The following ADCK1 variants were observed in gnomAD, a reference collection of about 807,000 sequenced individuals.
The protein encoded by ADCK1 is aarF domain containing kinase 1.
Under a neutral mutation model 52.3 loss-of-function variants are expected in ADCK1, and 41 were observed. The observed-to-expected ratio is 0.78, with a 90% CI of 0.61 to 1.02. ADCK1 has a LOEUF of 1.02. Ranked by LOEUF, ADCK1 falls within the 50% of genes least tolerant of loss-of-function variation. ADCK1 has a pLI of 0.00. For synonymous variants in ADCK1, 250 were observed against 274.6 expected (o/e 0.91, Z 0.89); for missense variants, 658 against 679.5 (o/e 0.97, Z 0.35).
At chr14:77,865,080 G>A (rs1360133327) in intron 4 of ADCK1, among the ~76,000 whole-genome samples, 3 of 152,008 alleles carry the variant, frequency 2.0e-5, no homozygotes, top group Non-Finnish European at 2.9e-5. Context: ...ACAGGAGTTC[G>A]AGACAAACCT....
intron 7 of ADCK1, among the ~76,000 whole-genome samples, chr14:77,915,046 G>A (rs771214664): frequency 3.3e-5 from 5 of 152,108 alleles, no homozygotes; most frequent in Non-Finnish European, 7.3e-5. Flanking sequence ...TCCCCTGCTG[G>A]GCCTGTCTGG....
rs1170771322 is a variant in ADCK1 at position 77,933,285 on chromosome 14, A to G, written c.1466A>G (p.Asn489Ser). 3 of 1,614,182 alleles carry G rather than the reference A, an allele frequency of 1.9e-6. No individual in the cohort carries two copies. The highest frequency in any genetic ancestry group is 1.7e-5 in the Admixed American group (1 of 60,032). Residue 489 changes from asparagine to serine, a missense_variant, in exon 11 of 11, where the codon AAC (asparagine) becomes AGC (serine). Coordinates refer to ENST00000238561, the MANE Select transcript of ADCK1 (RefSeq NM_020421.4). ...RTQISFSEAF[N>S]LWQINLHELI... ...CAGATCTCTTTCAGCGAGGCCTTCA[A>G]CTTATGGCAGATCAACCTCCATGAG...
At position 77,822,511 on chromosome 14, in the gene ADCK1, G is replaced by T. The variant is rs565870217; in HGVS notation, c.212G>T (p.Arg71Ile). The T allele has an allele frequency of 6.2e-7, 1 of 1,613,562 alleles. No homozygotes were observed. Residue 71 changes from arginine (R) to isoleucine (I), a missense_variant, in exon 3 of 11, where the codon AGA becomes ATA. Arg to Ile is a moderately conservative substitution (Grantham distance 97). Coordinates refer to ENST00000238561, the MANE Select transcript of ADCK1 (RefSeq NM_020421.4). ...PYGSEEYLQL[R>I]SKVHLRSARR... is the part of the protein sequence containing the mutation. ...GGCTCAGAGGAGTACTTGCAGCTGA[G>T]ATCTAAGGTAAGTAACCCATGGGAC...
intron 1 of ADCK1, among the ~76,000 whole-genome samples, chr14:77,817,897 G>C (rs899536138): frequency 1.0e-5 from 1 of 96,192 alleles, no homozygotes; most frequent in African/African-American, 4.4e-5. Context: ...CACCACGCCT[G>C]GCTAATTTTT....
rs1326125822 is a variant in ADCK1 at position 77,893,797 on chromosome 14, G to A, written c.583-5303G>A. The stretch of plus-strand genomic sequence containing the variant: ...TGCCCAAGCTGGAGTGCAGTGGTGC[G>A]ACCTTGGCTCACTGCAACCTCCACT... On this transcript the variant is annotated intron_variant, in intron 5 of 10. Coordinates refer to ENST00000238561, the MANE Select transcript of ADCK1 (RefSeq NM_020421.4). Among the ~76,000 whole-genome samples the A allele has an allele frequency of 3.4e-5, 5 of 147,726 alleles. No individual in the cohort carries two copies. The South Asian group carries it at 6.4e-4, about 19-fold the overall frequency.
At position 77,820,613 on chromosome 14, in the gene ADCK1, T is replaced by C. The variant is rs184277323; in HGVS notation, c.135+1500T>C. 4.2e-4 allele frequency among the ~76,000 whole-genome samples: 63 copies of C among 150,358 alleles called. No individual in the cohort carries two copies. In the East Asian group the frequency reaches 0.011, roughly 27 times the overall value. On this transcript the variant is annotated intron_variant, in intron 2 of 10. Coordinates refer to ENST00000238561, the MANE Select transcript of ADCK1 (RefSeq NM_020421.4). ...TCCCAAAGTGTTGGGATTATGGGTGTGAGCCATTGTGCCAGGCCAATTTTA... is the reference window on the plus strand; with the variant it reads ...TCCCAAAGTGTTGGGATTATGGGTGCGAGCCATTGTGCCAGGCCAATTTTA...
chr14:77,874,110 C>T (rs1164681621), intron 4 of ADCK1, among the ~76,000 whole-genome samples: 1 of 152,206 alleles, frequency 6.6e-6, no homozygotes, highest in Non-Finnish European at 1.5e-5. Flanking sequence ...CGTACTCTTA[C>T]TGAGAGTGCA....
At chr14:77,847,090 T>C (rs1411105643) in intron 3 of ADCK1, among the ~76,000 whole-genome samples, 1 of 152,020 alleles carries the variant, frequency 6.6e-6, no homozygotes, top group Non-Finnish European at 1.5e-5. Flanking sequence ...GCTGAGAGGA[T>C]TTTTCGCAGG....
chr14:77,819,235 G>A, intron 2 of ADCK1, 122 bp downstream of exon 2: 1 of 1,393,694 alleles, frequency 7.2e-7, no homozygotes, highest in Non-Finnish European at 9.8e-7. Flanking sequence ...CCTTACATGT[G>A]CAAAAGCTAC....
intron 1 of ADCK1, among the ~76,000 whole-genome samples, chr14:77,818,366 C>T (rs2081508434): frequency 1.3e-5 from 2 of 152,090 alleles, no homozygotes; most frequent in African/African-American, 2.4e-5. Flanking sequence ...ACTGCAGTCT[C>T]CTCCTCCCGG....
chr14:77,845,567 C>T (rs1193733061), intron 3 of ADCK1, among the ~76,000 whole-genome samples: 2 of 152,138 alleles, frequency 1.3e-5, no homozygotes, highest in African/African-American at 4.8e-5. Flanking sequence ...GGACTACAGG[C>T]ACATGCATCA....
At chr14:77,920,928 G>A (rs966543919) in intron 7 of ADCK1, among the ~76,000 whole-genome samples, 2 of 152,086 alleles carry the variant, frequency 1.3e-5, no homozygotes, top group East Asian at 1.9e-4. Flanking sequence ...GGGATTATAG[G>A]TGTGGGCCAC....
In ADCK1 at chr14:77,891,146, T is replaced by A. The variant is rs1595032469; in HGVS notation, c.582+3897T>A. On this transcript the variant is annotated intron_variant, in intron 5 of 10. Coordinates refer to ENST00000238561, the MANE Select transcript of ADCK1 (RefSeq NM_020421.4). Reference sequence around the variant, plus strand: ...TTCTCTGAAGTGGGAGGCAAGACCATCTGCTGAGAATGAGGGGGTAGAAGG... The same window carrying A: ...TTCTCTGAAGTGGGAGGCAAGACCAACTGCTGAGAATGAGGGGGTAGAAGG... Among the ~76,000 whole-genome samples, 3 of 152,160 alleles carry A rather than the reference T, an allele frequency of 2.0e-5. No homozygotes were observed. The East Asian group carries it at 5.8e-4, about 29-fold the overall frequency.
At chr14:77,925,612 T>C in intron 8 of ADCK1, 152 bp from the exon 9 acceptor site, 1 of 761,742 alleles carries the variant, frequency 1.3e-6, no homozygotes, top group Admixed American at 2.6e-5. Context: ...AACTTGAAGC[T>C]TCAGGGATGG....
At chr14:77,926,863 G>T (rs1189515949) in intron 9 of ADCK1, among the ~76,000 whole-genome samples, 3 of 152,068 alleles carry the variant, frequency 2.0e-5, no homozygotes, top group African/African-American at 7.2e-5. Context: ...ATTCCTCCTG[G>T]CTCAGGGTGG....
chr14:77,878,658 GC>G (rs2082951250), intron 4 of ADCK1, among the ~76,000 whole-genome samples: 1 of 152,200 alleles, frequency 6.6e-6, no homozygotes, highest in Admixed American at 6.5e-5. Context: ...CCTGGCCTGG[GC>G]CCTGGCTCTG....
At chr14:77,828,761 A>T (rs2081774955) in intron 3 of ADCK1, among the ~76,000 whole-genome samples, 1 of 151,952 alleles carries the variant, frequency 6.6e-6, no homozygotes, top group Non-Finnish European at 1.5e-5. Context: ...TCCTGACCTC[A>T]GGTGATCTGC....
chr14:77,926,587 TCTCCTGTCTCAGC>T (rs538009955), intron 9 of ADCK1, among the ~76,000 whole-genome samples: 19 of 152,352 alleles, frequency 1.2e-4, no homozygotes, highest in African/African-American at 4.6e-4. Context: ...TTCAAGCGAT[TCTCCTGTCTCAGC>T]CTCCTGAGTA....
intron 7 of ADCK1, 80 bp downstream of exon 7, chr14:77,907,999 G>GACT: frequency 8.4e-7 from 1 of 1,185,396 alleles, no homozygotes; most frequent in Non-Finnish European, 1.2e-6. Context: ...TGTGTGTCCA[G>GACT]GTGAGGCCTC....
Sources: gnomAD v4.1 joint callset for allele counts (sites outside exome capture counted in the v4.1 genomes callset) on GRCh38, gnomAD v4.1.1 for gene constraint, MANE v1.5 for transcripts, NCBI Gene and HGNC (gene_info 2026-07-23, HGNC 2026-07-21) for gene names.